Variants in XYLT1 observed in about 807,000 individuals in gnomAD.
The protein encoded by XYLT1 is beta-D-xylosyltransferase 1.
In XYLT1, 36 loss-of-function variants were observed where a neutral mutation model predicts 91.3. That is an observed-to-expected ratio of 0.39 (90% CI 0.30 to 0.52). The LOEUF is 0.52. Among genes scored for constraint, XYLT1 ranks in the 20% least tolerant of loss-of-function variants. The pLI is 0.68. For synonymous variants in XYLT1, 588 were observed against 532.0 expected (o/e 1.11, Z -1.45); for missense variants, 1,242 against 1,284.5 (o/e 0.97, Z 0.51).
At chr16:17,224,227 C>A (rs966451346) in intron 3 of XYLT1, among the ~76,000 whole-genome samples, 6 of 152,184 alleles carry the variant, frequency 3.9e-5, no homozygotes, top group African/African-American at 1.4e-4. Context: ...CTATCAGCGA[C>A]AAGACGGACA....
chr16:17,361,851 C>T (rs567469916), intron 1 of XYLT1, among the ~76,000 whole-genome samples: 1 of 152,344 alleles, frequency 6.6e-6, no homozygotes, highest in South Asian at 2.1e-4. Context: ...AGGTTCTGAA[C>T]AGTTGAATAC....
intron 2 of XYLT1, among the ~76,000 whole-genome samples, chr16:17,266,729 G>T (rs1287905585): frequency 6.6e-6 from 1 of 152,232 alleles, no homozygotes; most frequent in Non-Finnish European, 1.5e-5. Flanking sequence ...CGCACAGCCG[G>T]CTGGGTAGTT....
rs1309158954 is a variant in XYLT1 at position 17,373,683 on chromosome 16, ACTC to A, written c.364-15636_364-15634del. 2.0e-4 allele frequency among the ~76,000 whole-genome samples: 30 copies of A among 152,094 alleles called. 1 individual carries two copies. Among genetic ancestry groups the A allele is most frequent in the African/African-American group, 6.5e-4 (27 of 41,414 alleles). On this transcript the variant is annotated intron_variant, in intron 1 of 11. Transcript: ENST00000261381. Reference sequence around the variant, plus strand: ...TCTGACAACTGCCCTTAAGGAATGGACTCCTATTAGCCTCTATTTACAGATGAG... The same window carrying A: ...TCTGACAACTGCCCTTAAGGAATGGACTATTAGCCTCTATTTACAGATGAG...
intron 3 of XYLT1, among the ~76,000 whole-genome samples, chr16:17,225,112 T>G (rs1406162181): frequency 1.3e-5 from 2 of 151,984 alleles, no homozygotes; most frequent in Non-Finnish European, 2.9e-5. Flanking sequence ...TGATTAGACA[T>G]TTTGTCCTGT....
At position 17,259,214 on chromosome 16, in the gene XYLT1, G is replaced by A. The variant is rs775751056; in HGVS notation, c.687C>T (p.His229=). 1.1e-5 allele frequency: 17 copies of A among 1,613,772 alleles called. No individual in the cohort carries two copies. Among genetic ancestry groups the A allele is most frequent in the Admixed American group, 3.3e-5 (2 of 59,946 alleles). ...PGDRAAANSS[H]GKDVSRPPHA... is the part of the protein sequence containing the mutation. Reference sequence around the variant, plus strand: ...GAGGCGGTCTGGACACATCCTTCCCGTGGCTGCTGTTGGCTGCGGCTCTGT... The same window carrying A: ...GAGGCGGTCTGGACACATCCTTCCCATGGCTGCTGTTGGCTGCGGCTCTGT... Residue 229 remains histidine, a synonymous_variant, in exon 3 of 12, where the codon CAC becomes CAT. Transcript: ENST00000261381.
intron 8 of XYLT1, among the ~76,000 whole-genome samples, chr16:17,135,792 C>T (rs1422455968): frequency 6.6e-6 from 1 of 152,168 alleles, no homozygotes; most frequent in African/African-American, 2.4e-5. Context: ...AAAGGCCAGA[C>T]AGTAAATATT....
intron 3 of XYLT1, among the ~76,000 whole-genome samples, chr16:17,245,860 C>G (rs961051890): frequency 2.6e-5 from 4 of 152,150 alleles, no homozygotes; most frequent in Non-Finnish European, 5.9e-5. Flanking sequence ...GGGAGGTAAC[C>G]GCGGCTGGCT....
At chr16:17,357,138 C>G (rs2141861644) in intron 2 of XYLT1, among the ~76,000 whole-genome samples, 1 of 137,366 alleles carries the variant, frequency 7.3e-6, no homozygotes, top group South Asian at 2.4e-4. Flanking sequence ...GATCATGCCA[C>G]TGCACTCCAG....
intron 2 of XYLT1, among the ~76,000 whole-genome samples, chr16:17,273,078 CGTCCCCAGAT>C: frequency 6.6e-6 from 1 of 152,210 alleles, no homozygotes; most frequent in Non-Finnish European, 1.5e-5. Flanking sequence ...ATCTTCTGAA[CGTCCCCAGAT>C]GTCCTGTGCG....
intron 5 of XYLT1, 64 bp downstream of exon 5, chr16:17,198,148 C>T: frequency 6.3e-7 from 1 of 1,578,064 alleles, no homozygotes; most frequent in South Asian, 1.1e-5. Context: ...TCGTGAGTTC[C>T]CAGCCATGAC....
chr16:17,179,099 G>A (rs1314809718), intron 5 of XYLT1, among the ~76,000 whole-genome samples: 2 of 151,954 alleles, frequency 1.3e-5, no homozygotes, highest in African/African-American at 4.8e-5. Flanking sequence ...TTGAATGAAC[G>A]GAGCTGGAGG....
At chr16:17,178,317 C>A (rs2031988858) in intron 5 of XYLT1, among the ~76,000 whole-genome samples, 1 of 152,100 alleles carries the variant, frequency 6.6e-6, no homozygotes, top group South Asian at 2.1e-4. Context: ...TTCAGCTACC[C>A]AGGACTGGGT....
chr16:17,187,362 C>T (rs1217190039), intron 5 of XYLT1, among the ~76,000 whole-genome samples: 1 of 144,098 alleles, frequency 6.9e-6, no homozygotes, highest in Non-Finnish European at 1.5e-5. Flanking sequence ...CCATTGCACT[C>T]CAGCCTGGGT....
intron 1 of XYLT1, among the ~76,000 whole-genome samples, chr16:17,460,247 C>T (rs771925602): frequency 5.9e-5 from 9 of 152,134 alleles, no homozygotes; most frequent in Non-Finnish European, 1.0e-4. Context: ...GACAAGGTCA[C>T]GGGAAACACA....
intron 3 of XYLT1, among the ~76,000 whole-genome samples, chr16:17,247,970 G>T (rs892416587): frequency 6.6e-6 from 1 of 152,172 alleles, no homozygotes; most frequent in African/African-American, 2.4e-5. Flanking sequence ...GTAGAGAGAG[G>T]ATGTGAGACC....
At chr16:17,158,482 G>A (rs1353080853) in intron 6 of XYLT1, among the ~76,000 whole-genome samples, 8 of 152,190 alleles carry the variant, frequency 5.3e-5, no homozygotes, top group East Asian at 1.9e-4. Context: ...ATCTGGGGAC[G>A]TTGCTTACAT....
chr16:17,422,035 T>G, intron 1 of XYLT1, among the ~76,000 whole-genome samples: 1 of 151,904 alleles, frequency 6.6e-6, no homozygotes, highest in Non-Finnish European at 1.5e-5. Flanking sequence ...CAGGCTGGAG[T>G]GCAATGGCAT....
At chr16:17,377,982 C>G (rs1292189787) in intron 1 of XYLT1, among the ~76,000 whole-genome samples, 2 of 152,196 alleles carry the variant, frequency 1.3e-5, no homozygotes, top group East Asian at 3.9e-4. Context: ...AAAGAAGATA[C>G]CCAGATGATC....
Position 17,243,034 on chromosome 16 carries a change from G to A in XYLT1, c.913+15954C>T, listed in dbSNP as rs147779930. Among the ~76,000 whole-genome samples the A allele has an allele frequency of 7.3e-4, 111 of 152,266 alleles. 3 individuals carry two copies. In the East Asian group the frequency reaches 0.021, roughly 28 times the overall value. The stretch of plus-strand genomic sequence containing the variant: ...TCATCTGTTCATGGACACCTGTGTT[G>A]CCTCCACCTTTTGACTACTCTGAAT... On this transcript the variant is annotated intron_variant, in intron 3 of 11. Transcript: ENST00000261381.
Sources: allele counts gnomAD v4.1 joint callset (sites outside exome capture counted in the v4.1 genomes callset), GRCh38; gene constraint gnomAD v4.1.1; transcripts MANE v1.5; gene names NCBI Gene and HGNC (gene_info 2026-07-23, HGNC 2026-07-21).